SPOPL: variants seen among roughly 807,000 people sequenced by gnomAD.
The protein encoded by SPOPL is speckle type BTB/POZ protein like.
In SPOPL, 23 loss-of-function variants were observed where a neutral mutation model predicts 53.8. That is an observed-to-expected ratio of 0.43 (90% CI 0.31 to 0.61). The LOEUF (loss-of-function observed/expected upper bound fraction) is 0.61, where lower values mean the gene tolerates loss of function less well. Ranked by LOEUF, SPOPL falls within the 20% of genes least tolerant of loss-of-function variation. The pLI is 0.12. For synonymous variants in SPOPL, 164 were observed against 149.7 expected, an observed-to-expected ratio of 1.10 and a Z score of -0.70; for missense variants, 442 against 466.9, an observed-to-expected ratio of 0.95 and a Z score of 0.49.
chr2:138,565,305 G>T (rs535474628), intron 10 of SPOPL, among the ~76,000 whole-genome samples: 4 of 152,258 alleles, frequency 2.6e-5, no homozygotes, highest in African/African-American at 9.6e-5. Context: ...AAAAGTGTGG[G>T]AAATAATTCA....
intron 1 of SPOPL, among the ~76,000 whole-genome samples, chr2:138,544,700 G>T (rs577574019): frequency 2.0e-5 from 3 of 152,184 alleles, no homozygotes; most frequent in Non-Finnish European, 4.4e-5. Context: ...GTGATGCCTC[G>T]CTCTGCTTCG....
At chr2:138,519,456 G>C (rs1684510881) in intron 1 of SPOPL, among the ~76,000 whole-genome samples, 2 of 151,550 alleles carry the variant, frequency 1.3e-5, no homozygotes, top group Admixed American at 1.3e-4. Flanking sequence ...GTGACCTTAA[G>C]TAGCATTGCT....
intron 1 of SPOPL, among the ~76,000 whole-genome samples, chr2:138,546,504 G>A (rs1483544324): frequency 6.6e-6 from 1 of 152,158 alleles, no homozygotes; most frequent in Non-Finnish European, 1.5e-5. Context: ...GCACTGAAGT[G>A]GACTTTGGGA....
At position 138,559,156 on chromosome 2, in the gene SPOPL, C is replaced by T. The variant is rs149626290; in HGVS notation, c.615C>T (p.Phe205=). The change falls in exon 6 of 11, where the codon TTC becomes TTT. Residue 205 remains phenylalanine (F), a synonymous_variant. Coordinates refer to ENST00000280098, the MANE Select transcript of SPOPL (RefSeq NM_001001664.3). ...CAAGATTTACAGACTGCAGTTTTTTCGTGAGAGGACAAGAATTTAAAGCTC... is the reference window on the plus strand; with the variant it reads ...CAAGATTTACAGACTGCAGTTTTTTTGTGAGAGGACAAGAATTTAAAGCTC... ...ENTRFTDCSF[F]VRGQEFKAHK... is the part of the protein sequence containing the mutation. 83 of 1,613,530 alleles carry T rather than the reference C, an allele frequency of 5.1e-5. No homozygotes were observed. The highest frequency in any genetic ancestry group is 8.3e-5 in the Admixed American group (5 of 59,968).
At chr2:138,557,567 A>G (rs562442236) in intron 5 of SPOPL, among the ~76,000 whole-genome samples, 29 of 152,306 alleles carry the variant, frequency 1.9e-4, no homozygotes, top group Admixed American at 1.4e-3. Flanking sequence ...TGTTTTCTGC[A>G]TAGTTTACTG....
rs371544294 is a variant in SPOPL, at chr2:138,550,550, G to A, written c.146G>A (p.Gly49Asp). ...TTCAGTTTTTGTCGAGAGGAAATGG[G>A]TGAAGTGTTAAAAAGTTCAACATTT... ...NNFSFCREEM[G>D]EVLKSSTFSS... The change falls in exon 3 of 11, where the codon GGT (glycine) becomes GAT (aspartate). Residue 49 changes from glycine to aspartate, a missense_variant. Coordinates refer to ENST00000280098, the MANE Select transcript of SPOPL (RefSeq NM_001001664.3). The A allele has an allele frequency of 6.2e-7, 1 of 1,611,394 alleles. No homozygotes were observed. The highest frequency in any genetic ancestry group is 1.3e-5 in the African/African-American group (1 of 74,852).
intron 5 of SPOPL, among the ~76,000 whole-genome samples, chr2:138,557,720 CTT>C (rs930141033): frequency 2.6e-5 from 4 of 152,072 alleles, no homozygotes; most frequent in Middle Eastern, 3.2e-3. Context: ...TAATGTAGCA[CTT>C]TTTGTTTTGT....
chr2:138,522,492 A>G (rs765206001), intron 1 of SPOPL, among the ~76,000 whole-genome samples: 13 of 152,220 alleles, frequency 8.5e-5, no homozygotes, highest in Non-Finnish European at 1.3e-4. Context: ...ATATATTACC[A>G]ACGCCAGTTA....
chr2:138,535,376 G>A (rs1462068628), intron 1 of SPOPL, among the ~76,000 whole-genome samples: 2 of 152,144 alleles, frequency 1.3e-5, no homozygotes, highest in African/African-American at 4.8e-5. Context: ...GAGTAGAATA[G>A]CTGGATCATG....
rs146195727 is a variant in SPOPL at position 138,511,947 on chromosome 2, A to G, written c.-61+9828A>G. On this transcript the variant is annotated intron_variant, in intron 1 of 10. Transcript: ENST00000280098. ...TCTCTTCTGTAAAATGGAAATGGAA[A>G]TGATAATGGTAAAACCATATAGTTG... Among the ~76,000 whole-genome samples, 255 of 152,338 alleles carry G rather than the reference A, an allele frequency of 1.7e-3. 1 individual carries two copies. Among genetic ancestry groups the G allele is most frequent in the African/African-American group, 5.7e-3 (235 of 41,580 alleles).
chr2:138,534,436 A>G (rs962118060), intron 1 of SPOPL, among the ~76,000 whole-genome samples: 3 of 152,176 alleles, frequency 2.0e-5, no homozygotes, highest in East Asian at 1.9e-4. Context: ...ATATTATACC[A>G]TTTTGTATAA....
At chr2:138,538,843 A>G (rs1294264332) in intron 1 of SPOPL, among the ~76,000 whole-genome samples, 1 of 151,674 alleles carries the variant, frequency 6.6e-6, no homozygotes, top group Admixed American at 6.6e-5. Flanking sequence ...GGTGTGCTGC[A>G]CCCATTAACT....
chr2:138,518,437 C>T (rs745949771), intron 1 of SPOPL, among the ~76,000 whole-genome samples: 8 of 152,136 alleles, frequency 5.3e-5, no homozygotes, highest in Admixed American at 2.0e-4. Context: ...GAATTATTCT[C>T]TTTCTGAAAA....
intron 4 of SPOPL, among the ~76,000 whole-genome samples, chr2:138,552,023 C>G (rs1395777004): frequency 3.3e-5 from 5 of 151,834 alleles, no homozygotes; most frequent in Non-Finnish European, 7.4e-5. Flanking sequence ...TGATAAAGGA[C>G]TTTCTTTATC....
intron 1 of SPOPL, among the ~76,000 whole-genome samples, chr2:138,515,973 T>C (rs1469769782): frequency 6.6e-6 from 1 of 152,202 alleles, no homozygotes; most frequent in Non-Finnish European, 1.5e-5. Context: ...TAGCTCATCA[T>C]CAGAAGAGCT....
intron 1 of SPOPL, among the ~76,000 whole-genome samples, chr2:138,521,972 GTTCAGCC>G (rs1465329067): frequency 6.6e-6 from 1 of 152,184 alleles, no homozygotes; most frequent in East Asian, 1.9e-4. Context: ...CAGCTTCCTA[GTTCAGCC>G]TTCAGACTAG....
intron 1 of SPOPL, among the ~76,000 whole-genome samples, chr2:138,534,461 T>C (rs746510845): frequency 5.9e-5 from 9 of 152,146 alleles, no homozygotes; most frequent in Admixed American, 3.3e-4. Context: ...CTGGAACATC[T>C]GTGAATTTTG....
intron 1 of SPOPL, among the ~76,000 whole-genome samples, chr2:138,519,974 G>C (rs1684521874): frequency 2.0e-5 from 3 of 152,110 alleles, no homozygotes; most frequent in Admixed American, 2.0e-4. Context: ...AGGGACAAAG[G>C]GTGGTTAGTG....
chr2:138,556,591 TAGGTTATA>T (rs1685429036), intron 5 of SPOPL, among the ~76,000 whole-genome samples: 1 of 152,158 alleles, frequency 6.6e-6, no homozygotes, highest in Admixed American at 6.5e-5. Context: ...TCTATATCAT[TAGGTTATA>T]ATGTGTAGTA....
Sources: allele counts gnomAD v4.1 joint callset (sites outside exome capture counted in the v4.1 genomes callset), GRCh38; gene constraint gnomAD v4.1.1; transcripts MANE v1.5; gene names NCBI Gene and HGNC (gene_info 2026-07-23, HGNC 2026-07-21).